Variants in GNAQ observed in about 807,000 individuals in gnomAD.
The protein encoded by GNAQ is guanine nucleotide-binding protein G(q) subunit alpha.
GNAQ carries 8 observed loss-of-function variants against 43.9 expected under a neutral mutation model. The ratio of observed to expected loss-of-function variants is 0.18; its 90% CI spans 0.11 to 0.33. GNAQ has a LOEUF of 0.33. Ranked by LOEUF, GNAQ falls within the 10% of genes least tolerant of loss-of-function variation. GNAQ has a pLI of 1.00. For missense variants in GNAQ, 158 were observed against 450.8 expected (o/e 0.35, Z 5.88); for synonymous variants, 155 against 170.7 (o/e 0.91, Z 0.71).
chr9:77,773,157 CTTTA>C, intron 5 of GNAQ, among the ~76,000 whole-genome samples: 2 of 151,854 alleles, frequency 1.3e-5, no homozygotes, highest in South Asian at 2.1e-4. Flanking sequence ...ACCAAAGCTT[CTTTA>C]TTTTTCAGCA....
intron 1 of GNAQ, among the ~76,000 whole-genome samples, chr9:77,979,007 A>G (rs1823336180): frequency 6.6e-6 from 1 of 152,176 alleles, no homozygotes; most frequent in Non-Finnish European, 1.5e-5. Context: ...CTCTGCCTAG[A>G]TTGTGCCACT....
chr9:78,010,901 A>G (rs1466797622), intron 1 of GNAQ, among the ~76,000 whole-genome samples: 2 of 152,274 alleles, frequency 1.3e-5, no homozygotes, highest in Admixed American at 1.3e-4. Flanking sequence ...ATTAGAACTC[A>G]CATTCCTACC....
At chr9:78,010,058 AC>A (rs1823755517) in intron 1 of GNAQ, among the ~76,000 whole-genome samples, 1 of 152,218 alleles carries the variant, frequency 6.6e-6, no homozygotes, top group African/African-American at 2.4e-5. Flanking sequence ...CTAGAGTCAC[AC>A]GAATGTCAGG....
At chr9:77,793,679 T>C (rs1035458282) in intron 5 of GNAQ, among the ~76,000 whole-genome samples, 15 of 152,208 alleles carry the variant, frequency 9.9e-5, no homozygotes, top group African/African-American at 3.6e-4. Flanking sequence ...AGGATATCAA[T>C]GGTGTCTTCC....
intron 1 of GNAQ, among the ~76,000 whole-genome samples, chr9:77,949,142 C>A (rs1000507941): frequency 5.3e-5 from 8 of 152,146 alleles, no homozygotes; most frequent in Non-Finnish European, 4.4e-5. Context: ...AGGTTAAATA[C>A]CTGGCCTGAA....
chr9:78,011,884 T>TA (rs1054514378), intron 1 of GNAQ, among the ~76,000 whole-genome samples: 10 of 152,078 alleles, frequency 6.6e-5, no homozygotes, highest in African/African-American at 1.2e-4. Flanking sequence ...TGTGGAATAT[T>TA]AAAAAAAATT....
chr9:77,844,441 A>C (rs776965910), intron 2 of GNAQ, among the ~76,000 whole-genome samples: 1 of 152,202 alleles, frequency 6.6e-6, no homozygotes, highest in African/African-American at 2.4e-5. Context: ...ATATAACCAG[A>C]GACAAATGCA....
At chr9:77,949,645 A>C (rs1822952636) in intron 1 of GNAQ, among the ~76,000 whole-genome samples, 1 of 152,168 alleles carries the variant, frequency 6.6e-6, no homozygotes, top group Admixed American at 6.5e-5. Context: ...GGTGAGCTAG[A>C]GGAAGGGAAA....
chr9:77,869,320 G>C (rs1827998796), intron 2 of GNAQ, among the ~76,000 whole-genome samples: 1 of 152,068 alleles, frequency 6.6e-6, no homozygotes, highest in Non-Finnish European at 1.5e-5. Flanking sequence ...CATTTCAGTG[G>C]AAAAAACTAG....
chr9:77,975,825 T>C (rs4745681), intron 1 of GNAQ, among the ~76,000 whole-genome samples: 45,315 of 151,856 alleles, frequency 0.3, 6,966 homozygotes, highest in South Asian at 0.44. Flanking sequence ...CGTGAGCCAC[T>C]GCGCTCAGCC....
chr9:77,770,870 A>G (rs1334041731), intron 5 of GNAQ, among the ~76,000 whole-genome samples: 1 of 152,256 alleles, frequency 6.6e-6, no homozygotes, highest in Non-Finnish European at 1.5e-5. Flanking sequence ...CAAAGCAAAG[A>G]TAACACTGCT....
At chr9:77,847,947 G>GT (rs1327122094) in intron 2 of GNAQ, among the ~76,000 whole-genome samples, 1 of 152,188 alleles carries the variant, frequency 6.6e-6, no homozygotes, top group Non-Finnish European at 1.5e-5. Flanking sequence ...CTGCACTTAA[G>GT]TATCTGTCCA....
intron 1 of GNAQ, among the ~76,000 whole-genome samples, chr9:77,970,021 C>G (rs1823216889): frequency 6.6e-6 from 1 of 152,114 alleles, no homozygotes; most frequent in Admixed American, 6.5e-5. Flanking sequence ...GAGTTTGATA[C>G]CAGCCTCGTC....
chr9:77,784,203 T>C (rs1826440273), intron 5 of GNAQ, among the ~76,000 whole-genome samples: 1 of 152,142 alleles, frequency 6.6e-6, no homozygotes, highest in African/African-American at 2.4e-5. Flanking sequence ...CCAACCAAGC[T>C]ATACAAAATA....
intron 2 of GNAQ, among the ~76,000 whole-genome samples, chr9:77,821,733 G>A (rs975831980): frequency 2.0e-5 from 3 of 146,816 alleles, no homozygotes; most frequent in African/African-American, 8.0e-5. Context: ...GGGTGTGTGT[G>A]TGTGTGTGTG....
intron 1 of GNAQ, among the ~76,000 whole-genome samples, chr9:77,965,063 GTAACT>G (rs1823149650): frequency 6.6e-6 from 1 of 151,744 alleles, no homozygotes; most frequent in Admixed American, 6.6e-5. Flanking sequence ...CTCCATTACT[GTAACT>G]ACTCAAAAAG....
At chr9:77,798,140 G>T (rs1320120766) in intron 3 of GNAQ, among the ~76,000 whole-genome samples, 1 of 152,056 alleles carries the variant, frequency 6.6e-6, no homozygotes, top group African/African-American at 2.4e-5. Context: ...AGGCTACAGT[G>T]TCCTAAATTC....
Position 77,720,468 on chromosome 9 carries a change from A to G in GNAQ, c.*855T>C, listed in dbSNP as rs968506708. On this transcript the variant is annotated 3_prime_UTR_variant, in exon 7 of 7. Transcript: ENST00000286548. Reference sequence around the variant, plus strand: ...TGGGTAGCAGCCATTAGGGTAATGTAGTGTCTGTTGGCATCTTTTTTGGCA... The same window carrying G: ...TGGGTAGCAGCCATTAGGGTAATGTGGTGTCTGTTGGCATCTTTTTTGGCA... 1 of 233,476 alleles carries G rather than the reference A, an allele frequency of 4.3e-6. No homozygotes were observed. Among genetic ancestry groups the G allele is most frequent in the African/African-American group, 2.2e-5 (1 of 45,360 alleles). 14.5% of individuals were successfully genotyped at this position (233,476 alleles called of 1,614,324 possible). A position where few individuals can be genotyped will look rare whatever the true frequency, so the allele number is the denominator to read the frequency against.
intron 2 of GNAQ, among the ~76,000 whole-genome samples, chr9:77,823,077 C>T (rs987389476): frequency 4.6e-5 from 7 of 151,956 alleles, no homozygotes; most frequent in Non-Finnish European, 7.4e-5. Context: ...GTAGCTGGGA[C>T]TACAGGCGTC....
Sources: allele counts gnomAD v4.1 joint callset (sites outside exome capture counted in the v4.1 genomes callset), GRCh38; gene constraint gnomAD v4.1.1; transcripts MANE v1.5; gene names NCBI Gene and HGNC (gene_info 2026-07-23, HGNC 2026-07-21).